Variants in SULT4A1 observed in about 807,000 individuals in gnomAD.
The protein encoded by SULT4A1 is sulfotransferase 4A1.
SULT4A1 carries 11 observed loss-of-function variants against 35.2 expected under a neutral mutation model. The observed-to-expected ratio is 0.31, with a 90% CI of 0.20 to 0.52. SULT4A1 has a LOEUF of 0.52. SULT4A1 is among the 20% of genes least tolerant of loss of function. The probability of loss-of-function intolerance (pLI) is 0.97; values close to 1 mark genes in which losing one functional copy is unlikely to be tolerated. For synonymous variants in SULT4A1, 152 were observed against 151.8 expected (o/e 1.00, Z -0.01); for missense variants, 271 against 383.7 (o/e 0.71, Z 2.45).
At chr22:43,832,975 T>C (rs2063335440) in intron 5 of SULT4A1, among the ~76,000 whole-genome samples, 1 of 152,128 alleles carries the variant, frequency 6.6e-6, no homozygotes, top group East Asian at 1.9e-4. Context: ...TGGCCTTGTC[T>C]GTCCCCTACA....
At chr22:43,826,612 G>A in intron 6 of SULT4A1, 1 of 985,324 alleles carries the variant, frequency 1.0e-6, no homozygotes, top group Non-Finnish European at 1.2e-6. Context: ...TTGGCTTCGG[G>A]AGAATTTGAA....
intron 5 of SULT4A1, among the ~76,000 whole-genome samples, chr22:43,830,725 C>G (rs576044311): frequency 7.8e-4 from 119 of 152,262 alleles, no homozygotes; most frequent in Non-Finnish European, 1.3e-3. Flanking sequence ...ACCCGGGGTG[C>G]CTGGCACAGT....
chr22:43,839,000 G>A lies in SULT4A1; in HGVS notation c.382-7C>T, dbSNP rs2063400905. 1 of 1,613,968 alleles carries A rather than the reference G, an allele frequency of 6.2e-7. No homozygotes were observed. The highest frequency in any genetic ancestry group is 8.5e-7 in the Non-Finnish European group (1 of 1,179,856). ...TGCGAGCCATATAGATGACCTGTGG[G>A]TGACAGGAGCAGGATGAGTCCGTGT... On this transcript the variant is annotated splice_polypyrimidine_tract_variant and splice_region_variant and intron_variant, in intron 3 of 6. Coordinates refer to ENST00000330884, the MANE Select transcript of SULT4A1 (RefSeq NM_014351.4).
intron 4 of SULT4A1, among the ~76,000 whole-genome samples, chr22:43,837,731 C>T (rs544845323): frequency 1.1e-4 from 17 of 152,246 alleles, no homozygotes; most frequent in Admixed American, 8.5e-4. Context: ...CGCCCTGCAC[C>T]GCCCCGCCAA....
intron 1 of SULT4A1, among the ~76,000 whole-genome samples, chr22:43,860,561 G>C (rs2049454767): frequency 6.6e-6 from 1 of 152,110 alleles, no homozygotes; most frequent in Admixed American, 6.5e-5. Context: ...TCACTCTGCT[G>C]GTAAGCCGCA....
rs1028556959 is a variant in SULT4A1 at position 43,824,801 on chromosome 22, C to T, written c.*1200G>A. Reference sequence around the variant, plus strand: ...CCTTCCACAGCAGCGACCCTCCTGACCACCACTTTGGGTGCTTTCCAGCCA... The same window carrying T: ...CCTTCCACAGCAGCGACCCTCCTGATCACCACTTTGGGTGCTTTCCAGCCA... On this transcript the variant is annotated 3_prime_UTR_variant, in exon 7 of 7. Coordinates refer to ENST00000330884, the MANE Select transcript of SULT4A1 (RefSeq NM_014351.4). 1 of 152,202 alleles carries T rather than the reference C, an allele frequency of 6.6e-6. No homozygotes were observed. The highest frequency in any genetic ancestry group is 2.4e-5 in the African/African-American group (1 of 41,430). 9.4% of individuals were successfully genotyped at this position (152,202 alleles called of 1,614,324 possible). A position where few individuals can be genotyped will look rare whatever the true frequency, so the allele number is the denominator to read the frequency against.
intron 1 of SULT4A1, among the ~76,000 whole-genome samples, chr22:43,861,630 G>A (rs184877962): frequency 6.6e-6 from 1 of 152,240 alleles, no homozygotes; most frequent in African/African-American, 2.4e-5. Flanking sequence ...GAATGCCCCA[G>A]GTCCTGCCTC....
At chr22:43,833,161 C>G (rs899585435) in intron 5 of SULT4A1, among the ~76,000 whole-genome samples, 5 of 152,128 alleles carry the variant, frequency 3.3e-5, no homozygotes, top group Non-Finnish European at 7.3e-5. Flanking sequence ...CAAGCCCTGC[C>G]TCTGCCTGGA....
At chr22:43,841,983 C>G (rs565621149) in intron 1 of SULT4A1, 51 bp from the exon 2 acceptor site, 1 of 1,581,000 alleles carries the variant, frequency 6.3e-7, no homozygotes, top group Non-Finnish European at 8.6e-7. Flanking sequence ...CCCACGCGCC[C>G]GGCCCTGTGC....
chr22:43,836,797 C>T (rs1603405604), intron 4 of SULT4A1, among the ~76,000 whole-genome samples: 1 of 146,048 alleles, frequency 6.8e-6, no homozygotes, highest in African/African-American at 2.5e-5. Flanking sequence ...GCCACAGGGA[C>T]CCAGTCTACA....
At chr22:43,854,326 G>C (rs140046161) in intron 1 of SULT4A1, among the ~76,000 whole-genome samples, 1 of 152,192 alleles carries the variant, frequency 6.6e-6, no homozygotes. Flanking sequence ...ATTGGCCCAG[G>C]CTAGGCTGCT....
At chr22:43,846,041 C>T (rs1215492523) in intron 1 of SULT4A1, among the ~76,000 whole-genome samples, 1 of 152,172 alleles carries the variant, frequency 6.6e-6, no homozygotes, top group Non-Finnish European at 1.5e-5. Flanking sequence ...CAGACTCCAC[C>T]ACTGTCCACT....
Position 43,825,770 on chromosome 22 carries a change from T to C in SULT4A1, c.*231A>G, listed in dbSNP as rs924362800. On this transcript the variant is annotated 3_prime_UTR_variant, in exon 7 of 7. Coordinates refer to ENST00000330884, the MANE Select transcript of SULT4A1 (RefSeq NM_014351.4). ...ACGGTCCAGGCCATTGGAACTGCAA[T>C]GTGGAGACTGTTTGTAATCAGACAT... is the stretch of plus-strand genomic sequence containing the variant. 8.0e-6 allele frequency: 4 copies of C among 497,534 alleles called. No individual in the cohort carries two copies. The highest frequency in any genetic ancestry group is 7.9e-5 in the African/African-American group (4 of 50,902). 30.8% of individuals were successfully genotyped at this position (497,534 alleles called of 1,614,324 possible).
At chr22:43,855,879 G>A (rs1275104505) in intron 1 of SULT4A1, among the ~76,000 whole-genome samples, 1 of 152,212 alleles carries the variant, frequency 6.6e-6, no homozygotes, top group Admixed American at 6.5e-5. Flanking sequence ...CAGAGTGGCA[G>A]GAGGCAAGCA....
intron 1 of SULT4A1, among the ~76,000 whole-genome samples, chr22:43,857,930 G>C (rs1379516605): frequency 6.6e-6 from 1 of 151,536 alleles, no homozygotes; most frequent in East Asian, 1.9e-4. Context: ...CACACCTGCA[G>C]TCCTAGCTAC....
chr22:43,848,057 C>T (rs566084876), intron 1 of SULT4A1, among the ~76,000 whole-genome samples: 42 of 152,256 alleles, frequency 2.8e-4, no homozygotes, highest in African/African-American at 9.4e-4. Context: ...TCCTGCCTGG[C>T]GCTCTGACCC....
chr22:43,843,619 T>G (rs138079), intron 1 of SULT4A1, among the ~76,000 whole-genome samples: 2 of 152,146 alleles, frequency 1.3e-5, no homozygotes, highest in Non-Finnish European at 2.9e-5. Flanking sequence ...CCAATGAGGG[T>G]TCCATAAAAG....
chr22:43,861,883 C>G (rs2049473587), intron 1 of SULT4A1, among the ~76,000 whole-genome samples: 1 of 152,244 alleles, frequency 6.6e-6, no homozygotes, highest in Admixed American at 6.5e-5. Flanking sequence ...CACAGCCAGC[C>G]AGGTAAAGGG....
chr22:43,856,151 A>G (rs1276330980), intron 1 of SULT4A1, among the ~76,000 whole-genome samples: 1 of 152,224 alleles, frequency 6.6e-6, no homozygotes, highest in Non-Finnish European at 1.5e-5. Context: ...CTTCCTCAGT[A>G]TCATGGCTGT....
Sources: gnomAD v4.1 joint callset for allele counts (sites outside exome capture counted in the v4.1 genomes callset) on GRCh38, gnomAD v4.1.1 for gene constraint, MANE v1.5 for transcripts, NCBI Gene and HGNC (gene_info 2026-07-23, HGNC 2026-07-21) for gene names.